SNX29: variants seen among roughly 807,000 people sequenced by gnomAD.
SNX29 encodes the protein sorting nexin 29.
In SNX29, 78 loss-of-function variants were observed where a neutral mutation model predicts 102.1. That is an observed-to-expected ratio of 0.76 (90% CI 0.64 to 0.92). SNX29 has a LOEUF of 0.92. Among genes scored for constraint, SNX29 ranks in the 40% least tolerant of loss-of-function variants. SNX29 has a pLI of 0.00. For synonymous variants in SNX29, 580 were observed against 414.5 expected, an observed-to-expected ratio of 1.40 and a Z score of -4.85; for missense variants, 1,280 against 1,061.7, an observed-to-expected ratio of 1.21 and a Z score of -2.86.
rs924919562 is a variant in SNX29, at chr16:12,574,035, C to T, written c.*5406C>T. 1.5e-5 allele frequency: 3 copies of T among 195,160 alleles called. No homozygotes were observed. The highest frequency in any genetic ancestry group is 3.9e-4 in the South Asian group (2 of 5,186). The allele number at this position is 195,160 out of a possible 1,614,324, so 12.1% of individuals were successfully genotyped here. Reference sequence around the variant, plus strand: ...GGTAAGCAGGCCACATATCTAGAGTCTGATAGTCTGTGTGTACATAAGGTC... The same window carrying T: ...GGTAAGCAGGCCACATATCTAGAGTTTGATAGTCTGTGTGTACATAAGGTC... On this transcript the variant is annotated 3_prime_UTR_variant, in exon 21 of 21. Coordinates refer to ENST00000566228, the MANE Select transcript of SNX29 (RefSeq NM_032167.5).
chr16:12,403,612 G>C, intron 18 of SNX29, 83 bp downstream of exon 18: 1 of 1,313,798 alleles, frequency 7.6e-7, no homozygotes, highest in Admixed American at 2.0e-5. Context: ...TTGCCTCTTG[G>C]TGGTGGGGCG....
chr16:12,487,090 C>A (rs916568870), intron 19 of SNX29, among the ~76,000 whole-genome samples: 2 of 152,198 alleles, frequency 1.3e-5, no homozygotes, highest in African/African-American at 4.8e-5. Flanking sequence ...TAGGAATACT[C>A]ATGCCACTTC....
intron 19 of SNX29, chr16:12,515,444 C>T: frequency 2.1e-6 from 1 of 472,848 alleles, no homozygotes. Context: ...GCAAGTCACC[C>T]CTGAAATAGA....
chr16:12,168,691 A>G (rs1289774360), intron 13 of SNX29, among the ~76,000 whole-genome samples: 1 of 152,228 alleles, frequency 6.6e-6, no homozygotes, highest in Non-Finnish European at 1.5e-5. Flanking sequence ...GAGGCGCTTC[A>G]GCCACATTTC....
intron 18 of SNX29, among the ~76,000 whole-genome samples, chr16:12,464,820 T>A (rs2086978122): frequency 6.6e-6 from 1 of 151,440 alleles, no homozygotes; most frequent in African/African-American, 2.4e-5. Context: ...GCTATTTTTA[T>A]TTGTTGGAGG....
At chr16:12,162,693 G>A (rs976981192) in intron 13 of SNX29, among the ~76,000 whole-genome samples, 7 of 152,170 alleles carry the variant, frequency 4.6e-5, no homozygotes, top group African/African-American at 1.7e-4. Flanking sequence ...TGAAGGCAGT[G>A]GGGTCTTGTG....
intron 20 of SNX29, among the ~76,000 whole-genome samples, chr16:12,539,534 A>T (rs1471022734): frequency 6.6e-6 from 1 of 152,208 alleles, no homozygotes; most frequent in Non-Finnish European, 1.5e-5. Context: ...TTTTGAATAG[A>T]GCTAGTGGAA....
At chr16:12,268,640 G>A (rs1379961358) in intron 14 of SNX29, among the ~76,000 whole-genome samples, 4 of 152,126 alleles carry the variant, frequency 2.6e-5, no homozygotes, top group African/African-American at 9.7e-5. Flanking sequence ...AACCTTGCCC[G>A]TTGTTATGGG....
intron 15 of SNX29, among the ~76,000 whole-genome samples, chr16:12,352,667 AG>A (rs1460699509): frequency 3.9e-5 from 6 of 152,238 alleles, no homozygotes; most frequent in Non-Finnish European, 8.8e-5. Context: ...TGCAAGCACA[AG>A]TTCAGAACCA....
Position 12,150,469 on chromosome 16 carries a change from C to G in SNX29, c.1595+20711C>G, listed in dbSNP as rs985841839. 2.0e-5 allele frequency among the ~76,000 whole-genome samples: 3 copies of G among 152,340 alleles called. No individual in the cohort carries two copies. The South Asian group carries it at 6.2e-4, about 32-fold the overall frequency. The stretch of plus-strand genomic sequence containing the variant: ...TCAAGGTACGAGGCCAGACCTAACC[C>G]AGGCCTTCACCAGCACTGGCGTCTT... On this transcript the variant is annotated intron_variant, in intron 13 of 20. Transcript: ENST00000566228.
intron 20 of SNX29, among the ~76,000 whole-genome samples, chr16:12,553,245 A>G (rs1274114957): frequency 1.3e-5 from 2 of 152,146 alleles, no homozygotes; most frequent in Non-Finnish European, 2.9e-5. Flanking sequence ...ATACAGAGAG[A>G]GATTGTACAA....
At chr16:12,221,896 A>G (rs2077488682) in intron 14 of SNX29, among the ~76,000 whole-genome samples, 1 of 152,190 alleles carries the variant, frequency 6.6e-6, no homozygotes, top group African/African-American at 2.4e-5. Context: ...GGGGTTGTTT[A>G]TTCCAGGGCA....
At chr16:12,134,753 G>A (rs1321348741) in intron 13 of SNX29, among the ~76,000 whole-genome samples, 1 of 152,222 alleles carries the variant, frequency 6.6e-6, no homozygotes, top group Admixed American at 6.5e-5. Context: ...CCACCTTGAA[G>A]GCTGCCTGCT....
chr16:12,567,518 C>T (rs977953683), intron 20 of SNX29, among the ~76,000 whole-genome samples: 1 of 152,134 alleles, frequency 6.6e-6, no homozygotes, highest in Non-Finnish European at 1.5e-5. Flanking sequence ...GGCACAGTGG[C>T]TCACACCTGT....
At chr16:12,047,691 C>G (rs543210269) in intron 6 of SNX29, among the ~76,000 whole-genome samples, 251 of 142,796 alleles carry the variant, frequency 1.8e-3, no homozygotes, top group African/African-American at 6.2e-3. Flanking sequence ...GAGTTTCACT[C>G]TCGTTGCCCA....
rs557441946 is a variant in SNX29 at position 12,485,171 on chromosome 16, G to A, written c.2178+7312G>A. 2.0e-5 allele frequency among the ~76,000 whole-genome samples: 3 copies of A among 152,344 alleles called. No individual in the cohort carries two copies. The East Asian group carries it at 5.8e-4, about 29-fold the overall frequency. On this transcript the variant is annotated intron_variant, in intron 19 of 20. Coordinates refer to ENST00000566228, the MANE Select transcript of SNX29 (RefSeq NM_032167.5). ...GACTTTTGGCTGAATATTTTTTGCA[G>A]AGTGGGCATGAGGCCAAGCAGGCTT...
chr16:11,992,373 A>C (rs560395216), intron 1 of SNX29, among the ~76,000 whole-genome samples: 1 of 150,508 alleles, frequency 6.6e-6, no homozygotes, highest in Non-Finnish European at 1.5e-5. Context: ...GTTCAGGGGC[A>C]TTTAGTACAG....
intron 2 of SNX29, among the ~76,000 whole-genome samples, chr16:12,000,145 G>C (rs542785943): frequency 5.9e-5 from 9 of 152,176 alleles, no homozygotes; most frequent in Non-Finnish European, 1.2e-4. Flanking sequence ...TGTGATGCTT[G>C]ACTCCGGCTG....
intron 20 of SNX29, among the ~76,000 whole-genome samples, chr16:12,552,070 G>GTC: frequency 6.6e-6 from 1 of 151,948 alleles, no homozygotes; most frequent in African/African-American, 2.4e-5. Flanking sequence ...CTGAATCTCT[G>GTC]TCTCAATCAC....
Sources: allele counts gnomAD v4.1 joint callset (sites outside exome capture counted in the v4.1 genomes callset), GRCh38; gene constraint gnomAD v4.1.1; transcripts MANE v1.5; gene names NCBI Gene and HGNC (gene_info 2026-07-23, HGNC 2026-07-21).